The following DPP6 variants were observed in gnomAD, a reference collection of about 807,000 sequenced individuals.
DPP6 encodes the protein dipeptidyl peptidase like 6, also known as A-type potassium channel modulatory protein DPP6.
DPP6 carries 69 observed loss-of-function variants against 122.6 expected under a neutral mutation model. The observed-to-expected ratio is 0.56, with a 90% CI of 0.46 to 0.69. DPP6 has a LOEUF of 0.69. Among genes scored for constraint, DPP6 ranks in the 30% least tolerant of loss-of-function variants. The pLI is 0.00. For missense variants in DPP6, 928 were observed against 1,116.9 expected (o/e 0.83, Z 2.41); for synonymous variants, 418 against 433.1 (o/e 0.97, Z 0.43).
At chr7:154,182,817 A>G (rs1368856467) in intron 1 of DPP6, among the ~76,000 whole-genome samples, 1 of 152,160 alleles carries the variant, frequency 6.6e-6, no homozygotes, top group South Asian at 2.1e-4. Flanking sequence ...GATGGAGAAG[A>G]CCAGCGCATT....
chr7:154,599,374 A>C (rs968667049), intron 5 of DPP6, among the ~76,000 whole-genome samples: 2 of 152,146 alleles, frequency 1.3e-5, no homozygotes, highest in Non-Finnish European at 2.9e-5. Flanking sequence ...AGGGTAGAAG[A>C]TATTATCCTC....
chr7:153,842,531 C>T, the DPP6 span, among the ~76,000 whole-genome samples: 26 of 151,838 alleles, frequency 1.7e-4, no homozygotes, highest in African/African-American at 6.3e-4. Flanking sequence ...ATGTTTAAAA[C>T]TGCCTGTCTA....
intron 7 of DPP6, among the ~76,000 whole-genome samples, chr7:154,704,527 A>G (rs1199692505): frequency 2.0e-5 from 3 of 152,210 alleles, no homozygotes; most frequent in Admixed American, 6.5e-5. Flanking sequence ...GAATCAATCA[A>G]TGTGCAAACT....
intron 1 of DPP6, among the ~76,000 whole-genome samples, chr7:154,185,402 G>A (rs1798304572): frequency 6.6e-6 from 1 of 152,144 alleles, no homozygotes; most frequent in African/African-American, 2.4e-5. Context: ...GGGATTCAGG[G>A]AGATGGTAAA....
chr7:154,513,274 A>G (rs1826224224), intron 3 of DPP6, among the ~76,000 whole-genome samples: 1 of 152,210 alleles, frequency 6.6e-6, no homozygotes, highest in African/African-American at 2.4e-5. Flanking sequence ...CGAATGTCCA[A>G]CAGAACTCCC....
At chr7:153,915,688 G>C (rs2129005056) in intron 1 of DPP6, among the ~76,000 whole-genome samples, 1 of 152,242 alleles carries the variant, frequency 6.6e-6, no homozygotes, top group Admixed American at 6.5e-5. Context: ...TGCTAGAATG[G>C]CACCAGGGGT....
chr7:153,959,846 C>CTA (rs1795256713), intron 1 of DPP6, among the ~76,000 whole-genome samples: 1 of 152,228 alleles, frequency 6.6e-6, no homozygotes, highest in South Asian at 2.1e-4. Flanking sequence ...CACAACTTGG[C>CTA]TAACTGTTTA....
chr7:154,531,220 A>G (rs1249544161), intron 3 of DPP6, among the ~76,000 whole-genome samples: 1 of 152,178 alleles, frequency 6.6e-6, no homozygotes, highest in East Asian at 1.9e-4. Flanking sequence ...CCAAAAGAAT[A>G]AAAGCACATA....
intron 1 of DPP6, among the ~76,000 whole-genome samples, chr7:154,116,361 G>A (rs936504905): frequency 7.9e-5 from 12 of 152,252 alleles, no homozygotes; most frequent in African/African-American, 2.6e-4. Context: ...TTAGAAATCA[G>A]GGTCCCTCTT....
intron 16 of DPP6, among the ~76,000 whole-genome samples, chr7:154,827,793 G>A (rs1226522683): frequency 1.3e-5 from 2 of 150,162 alleles, no homozygotes; most frequent in Non-Finnish European, 3.0e-5. Flanking sequence ...GATGTCCTGT[G>A]GGGGGGTGTC....
intron 1 of DPP6, among the ~76,000 whole-genome samples, chr7:153,997,644 C>G (rs1391497968): frequency 7.0e-6 from 1 of 142,256 alleles, no homozygotes; most frequent in Admixed American, 7.3e-5. Context: ...TGAGAATGCT[C>G]ATTTATACAC....
At position 154,566,729 on chromosome 7, in the gene DPP6, C is replaced by T. The variant is rs55633503; in HGVS notation, c.553-113C>T. The T allele has an allele frequency of 0.09, 56,895 of 628,700 alleles. 2,981 individuals carry two copies. Among genetic ancestry groups the T allele is most frequent in the East Asian group, 0.18 (6,055 of 33,772 alleles). The allele number at this position is 628,700 out of a possible 1,614,324, so 38.9% of individuals were successfully genotyped here. A position where few individuals can be genotyped will look rare whatever the true frequency, so the allele number is the denominator to read the frequency against. On this transcript the variant is annotated intron_variant, in intron 4 of 25. Transcript: ENST00000377770. ...TCAGCTAACAAAGAAAGGATATAGC[C>T]ATTTTAATAGCTAATTAATTTTGAA...
chr7:154,268,312 A>C (rs1803567741), intron 1 of DPP6, among the ~76,000 whole-genome samples: 1 of 152,208 alleles, frequency 6.6e-6, no homozygotes, highest in Non-Finnish European at 1.5e-5. Flanking sequence ...TGGGTGGCTT[A>C]TAAACAAGAG....
At chr7:153,951,270 C>T (rs529438664) in intron 1 of DPP6, among the ~76,000 whole-genome samples, 30 of 152,294 alleles carry the variant, frequency 2.0e-4, no homozygotes, top group South Asian at 2.1e-4. Flanking sequence ...CTCGCCAACA[C>T]GCACAGTTGC....
intron 3 of DPP6, among the ~76,000 whole-genome samples, chr7:154,496,229 C>T (rs959914289): frequency 6.6e-6 from 1 of 152,054 alleles, no homozygotes; most frequent in Non-Finnish European, 1.5e-5. Flanking sequence ...AATACAGATG[C>T]ACCTCTTAAA....
chr7:154,226,258 GCAT>G (rs1216927009), intron 1 of DPP6, among the ~76,000 whole-genome samples: 1 of 152,172 alleles, frequency 6.6e-6, no homozygotes, highest in Admixed American at 6.5e-5. Context: ...AGATCCAAAA[GCAT>G]CTTGCCAATG....
intron 1 of DPP6, among the ~76,000 whole-genome samples, chr7:154,377,064 C>A (rs932611662): frequency 1.3e-5 from 2 of 152,098 alleles, no homozygotes; most frequent in Admixed American, 6.5e-5. Context: ...TTGACTACTG[C>A]GTGCTTAAGA....
chr7:154,490,326 C>G (rs1004671513), intron 3 of DPP6, among the ~76,000 whole-genome samples: 1 of 152,226 alleles, frequency 6.6e-6, no homozygotes, highest in Non-Finnish European at 1.5e-5. Context: ...CCCTCGTGCT[C>G]TCTCAAGATC....
At position 154,821,971 on chromosome 7, in the gene DPP6, G is replaced by A. The variant is rs1381222260; in HGVS notation, c.1666+14859G>A. Among the ~76,000 whole-genome samples, 2 of 152,100 alleles carry A rather than the reference G, an allele frequency of 1.3e-5. No individual in the cohort carries two copies. Among genetic ancestry groups the A allele is most frequent in the African/African-American group, 4.8e-5 (2 of 41,412 alleles). On this transcript the variant is annotated intron_variant, in intron 16 of 25. Transcript: ENST00000377770. The surrounding 1 kb of genome is among the most constrained non-coding windows in gnomAD (Gnocchi z 4.2). ...AGCCAGTGTGGAATACATGTCTCAA[G>A]CTTCCCTGATGTTATTTCTGTACCT...
Sources: gnomAD v4.1 joint callset for allele counts (sites outside exome capture counted in the v4.1 genomes callset) on GRCh38, gnomAD v4.1.1 for gene constraint, Gnocchi (gnomAD v3.1) non-coding constraint, MANE v1.5 for transcripts, NCBI Gene and HGNC (gene_info 2026-07-23, HGNC 2026-07-21) for gene names.